Variants in CNTN4 observed in about 807,000 individuals in gnomAD.
The protein encoded by CNTN4 is contactin 4, also known as contactin-4.
A neutral mutation model predicts 122.5 loss-of-function variants in CNTN4; 77 were observed. The ratio of observed to expected loss-of-function variants is 0.63; its 90% CI spans 0.52 to 0.76. CNTN4 has a LOEUF of 0.76. Ranked by LOEUF, CNTN4 falls within the 30% of genes least tolerant of loss-of-function variation. CNTN4 has a pLI of 0.00. For missense variants in CNTN4, 1,256 were observed against 1,259.1 expected (o/e 1.00, Z 0.04); for synonymous variants, 512 against 447.0 (o/e 1.15, Z -1.83).
chr3:2,839,067 A>G (rs2093294552), intron 7 of CNTN4, among the ~76,000 whole-genome samples: 1 of 152,028 alleles, frequency 6.6e-6, no homozygotes, highest in South Asian at 2.1e-4. Context: ...ACAGCCTGTA[A>G]CCAGTTACAA....
chr3:2,491,035 C>A (rs578155700), intron 3 of CNTN4, among the ~76,000 whole-genome samples: 1 of 152,052 alleles, frequency 6.6e-6, no homozygotes, highest in Non-Finnish European at 1.5e-5. Flanking sequence ...TCAGTCTTTC[C>A]AGGAGGGTAG....
In CNTN4 at chr3:2,902,954, G is replaced by A; in HGVS notation, c.1156G>A (p.Ala386Thr). The change falls in exon 12 of 25, where the codon GCA (alanine) becomes ACA (threonine). Residue 386 changes from alanine (A) to threonine (T), a missense_variant. Ala to Thr is a moderately conservative substitution (Grantham distance 58). Transcript: ENST00000418658. ...LSDAGMYQCL[A>T]ENKHGVIFSN... ...AGATGCTGGCATGTATCAGTGTTTG[G>A]CAGAGAATAAACATGGAGTTATCTT... 2 of 1,613,820 alleles carry A rather than the reference G, an allele frequency of 1.2e-6. No individual in the cohort carries two copies. The highest frequency in any genetic ancestry group is 1.7e-6 in the Non-Finnish European group (2 of 1,179,842).
chr3:2,203,944 C>G (rs1364501534), intron 2 of CNTN4, among the ~76,000 whole-genome samples: 1 of 152,076 alleles, frequency 6.6e-6, no homozygotes, highest in Non-Finnish European at 1.5e-5. Context: ...TATTTCTTCC[C>G]TTTTCTTTCA....
At chr3:2,427,248 T>C (rs1440426975) in intron 3 of CNTN4, among the ~76,000 whole-genome samples, 1 of 152,204 alleles carries the variant, frequency 6.6e-6, no homozygotes, top group Non-Finnish European at 1.5e-5. Context: ...TTTAAATGGG[T>C]GCCAGAGATT....
chr3:2,318,990 T>G (rs903552039), intron 2 of CNTN4, among the ~76,000 whole-genome samples: 4 of 152,160 alleles, frequency 2.6e-5, no homozygotes, highest in Non-Finnish European at 5.9e-5. Flanking sequence ...TAGCTGTTTA[T>G]TTTACGGAGG....
chr3:2,885,717 G>A (rs2093966740), intron 9 of CNTN4, among the ~76,000 whole-genome samples: 1 of 152,158 alleles, frequency 6.6e-6, no homozygotes, highest in Non-Finnish European at 1.5e-5. Context: ...TACAATTTGT[G>A]GGTTAAGAAT....
intron 2 of CNTN4, among the ~76,000 whole-genome samples, chr3:2,193,869 C>T (rs1281236393): frequency 6.6e-6 from 1 of 152,178 alleles, no homozygotes. Context: ...GGTTTGCAGC[C>T]TAGGAGCAAT....
At chr3:2,729,690 G>A (rs1042878729) in intron 4 of CNTN4, among the ~76,000 whole-genome samples, 12 of 151,996 alleles carry the variant, frequency 7.9e-5, no homozygotes, top group South Asian at 2.1e-4. Context: ...GAAGGCAGGC[G>A]GATCACAAGG....
intron 3 of CNTN4, among the ~76,000 whole-genome samples, chr3:2,391,301 C>G (rs1357155027): frequency 1.3e-5 from 2 of 152,130 alleles, no homozygotes; most frequent in Non-Finnish European, 2.9e-5. Flanking sequence ...TGATTTTAAA[C>G]TCATTTGACA....
At chr3:2,643,484 T>C (rs1824931) in intron 4 of CNTN4, among the ~76,000 whole-genome samples, 77,081 of 152,010 alleles carry the variant, frequency 0.51, 19,793 homozygotes, top group East Asian at 0.71. Flanking sequence ...AAAGCTCTTA[T>C]TGAACGACGT....
intron 4 of CNTN4, among the ~76,000 whole-genome samples, chr3:2,588,393 G>A (rs1341678873): frequency 6.6e-6 from 1 of 152,074 alleles, no homozygotes; most frequent in East Asian, 1.9e-4. Context: ...TTGAGACAGA[G>A]CCTCGCACTA....
chr3:2,443,372 G>C (rs1333018933), intron 3 of CNTN4, among the ~76,000 whole-genome samples: 1 of 152,104 alleles, frequency 6.6e-6, no homozygotes, highest in Non-Finnish European at 1.5e-5. Flanking sequence ...AGGGCCACTA[G>C]TTTCTTGCAG....
chr3:2,375,069 T>G (rs1167672536), intron 3 of CNTN4, among the ~76,000 whole-genome samples: 1 of 152,244 alleles, frequency 6.6e-6, no homozygotes, highest in African/African-American at 2.4e-5. Context: ...AAAGTCATTG[T>G]AAAAATCTGC....
At chr3:2,750,172 C>G (rs1167010649) in intron 6 of CNTN4, among the ~76,000 whole-genome samples, 1 of 152,170 alleles carries the variant, frequency 6.6e-6, no homozygotes, top group African/African-American at 2.4e-5. Context: ...GAAAGGCAGT[C>G]TTCAGCTCCC....
intron 3 of CNTN4, among the ~76,000 whole-genome samples, chr3:2,340,612 C>T (rs2044145374): frequency 6.7e-6 from 1 of 148,156 alleles, no homozygotes; most frequent in African/African-American, 2.5e-5. Context: ...CCTGGGAGGT[C>T]AAGGCTGCAA....
Position 2,432,077 on chromosome 3 carries a change from A to G in CNTN4, c.-89+92844A>G, listed in dbSNP as rs1186030331. Among the ~76,000 whole-genome samples, 46 of 152,230 alleles carry G rather than the reference A, an allele frequency of 3.0e-4. 1 individual carries two copies. The highest frequency in any genetic ancestry group is 3.0e-3 in the Admixed American group (46 of 15,284). ...TCACTGCACAAACAATGAGCCAGGT[A>G]ATATTGAAGCCAGAATATTTTTGTT... On this transcript the variant is annotated intron_variant, in intron 3 of 24. Coordinates refer to ENST00000418658, the MANE Select transcript of CNTN4 (RefSeq NM_175607.3).
rs149463304 is a variant in CNTN4, at chr3:2,623,258, A to G, written c.55+51700A>G. ...TTTTTTTTTTTTCATTTTTATTCTCATGGTTTTTTTCCCTGATTTTCTACC... is the reference window on the plus strand; with the variant it reads ...TTTTTTTTTTTTCATTTTTATTCTCGTGGTTTTTTTCCCTGATTTTCTACC... On this transcript the variant is annotated intron_variant, in intron 4 of 24. Transcript: ENST00000418658. Among the ~76,000 whole-genome samples the G allele has an allele frequency of 1.1e-4, 16 of 145,554 alleles. No homozygotes were observed. The East Asian group carries it at 3.3e-3, about 30-fold the overall frequency.
chr3:2,689,845 A>G (rs2085632932), intron 4 of CNTN4, among the ~76,000 whole-genome samples: 1 of 152,064 alleles, frequency 6.6e-6, no homozygotes, highest in Non-Finnish European at 1.5e-5. Context: ...TCCAGCACAT[A>G]CATAAAAATT....
intron 4 of CNTN4, among the ~76,000 whole-genome samples, chr3:2,574,654 T>C (rs2079579264): frequency 6.6e-6 from 1 of 152,038 alleles, no homozygotes; most frequent in African/African-American, 2.4e-5. Flanking sequence ...CAATTTAAAC[T>C]CAAGATCATA....
Sources: allele counts gnomAD v4.1 joint callset (sites outside exome capture counted in the v4.1 genomes callset), GRCh38; gene constraint gnomAD v4.1.1; transcripts MANE v1.5; gene names NCBI Gene and HGNC (gene_info 2026-07-23, HGNC 2026-07-21).